The following ATP2A1 variants were observed in gnomAD, a reference collection of about 807,000 sequenced individuals.
ATP2A1 encodes sarcoplasmic/endoplasmic reticulum calcium ATPase 1.
ATP2A1 carries 83 observed loss-of-function variants against 109.5 expected under a neutral mutation model. The observed-to-expected ratio is 0.76, with a 90% CI of 0.63 to 0.91. The LOEUF (loss-of-function observed/expected upper bound fraction) is 0.91, where lower values mean the gene tolerates loss of function less well. ATP2A1 is among the 40% of genes least tolerant of loss of function. The probability of loss-of-function intolerance (pLI) is 0.00; values close to 1 mark genes in which losing one functional copy is unlikely to be tolerated. For synonymous variants in ATP2A1, 505 were observed against 537.6 expected, an observed-to-expected ratio of 0.94 and a Z score of 0.84; for missense variants, 1,101 against 1,341.0, an observed-to-expected ratio of 0.82 and a Z score of 2.80.
Position 28,887,282 on chromosome 16 carries a change from A to C in ATP2A1, c.630+8A>C, listed in dbSNP as rs1459073624. On this transcript the variant is annotated splice_region_variant and intron_variant, in intron 7 of 22. Transcript: ENST00000395503. Reference sequence around the variant, plus strand: ...AAGAACATGCTTTTCTCGGTGAGCAATCCGGGACCAGCCATCACACACTCA... The same window carrying C: ...AAGAACATGCTTTTCTCGGTGAGCACTCCGGGACCAGCCATCACACACTCA... The C allele has an allele frequency of 1.2e-6, 2 of 1,613,856 alleles. No homozygotes were observed. Among genetic ancestry groups the C allele is most frequent in the Non-Finnish European group, 8.5e-7 (1 of 1,179,910 alleles).
intron 9 of ATP2A1, among the ~76,000 whole-genome samples, chr16:28,890,283 C>T (rs773803507): frequency 7.1e-6 from 1 of 141,022 alleles, no homozygotes; most frequent in Non-Finnish European, 1.5e-5. Flanking sequence ...AGTGAGAGTC[C>T]GTCTCTACCA....
rs1416429501 is a variant in ATP2A1, at chr16:28,880,841, G to T, written c.220-74G>T. 2.1e-6 allele frequency: 3 copies of T among 1,401,014 alleles called. No individual in the cohort carries two copies. The highest frequency in any genetic ancestry group is 3.0e-6 in the Non-Finnish European group (3 of 986,548). 86.8% of individuals were successfully genotyped at this position (1,401,014 alleles called of 1,614,324 possible). A position where few individuals can be genotyped will look rare whatever the true frequency, so the allele number is the denominator to read the frequency against. Reference sequence around the variant, plus strand: ...ACTCTCCTGCACAGTTCTCCCCTTTGCAGTGGTCCACTTCCTTTCTCCATC... The same window carrying T: ...ACTCTCCTGCACAGTTCTCCCCTTTTCAGTGGTCCACTTCCTTTCTCCATC... On this transcript the variant is annotated intron_variant, in intron 3 of 22. Transcript: ENST00000395503. This position sits in a 1 kb window ranked among gnomAD's most constrained non-coding sequence, Gnocchi z 4.2.
chr16:28,898,493 G>A lies in ATP2A1; in HGVS notation c.1764+42G>A, dbSNP rs2152211884. On this transcript the variant is annotated intron_variant, in intron 14 of 22. Transcript: ENST00000395503. This position sits in a 1 kb window ranked among gnomAD's most constrained non-coding sequence, Gnocchi z 4.0. ...CTCCCACTGTCGTGGAGCTGGTGAAGGGCCGGGTCCCAGCCATCCACTCAC... is the reference window on the plus strand; with the variant it reads ...CTCCCACTGTCGTGGAGCTGGTGAAAGGCCGGGTCCCAGCCATCCACTCAC... 6.3e-7 allele frequency: 1 copy of A among 1,586,388 alleles called. No homozygotes were observed. The highest frequency in any genetic ancestry group is 2.3e-5 in the East Asian group (1 of 43,358).
intron 9 of ATP2A1, among the ~76,000 whole-genome samples, chr16:28,891,711 C>G (rs1038271966): frequency 1.4e-4 from 21 of 151,504 alleles, no homozygotes; most frequent in African/African-American, 5.1e-4. Flanking sequence ...AAACCAGTCT[C>G]TACTAAAAAT....
intron 12 of ATP2A1, among the ~76,000 whole-genome samples, chr16:28,895,673 C>A (rs1276812112): frequency 2.0e-5 from 3 of 146,906 alleles, no homozygotes; most frequent in African/African-American, 7.7e-5. Flanking sequence ...CAAAAAAAAA[C>A]GAAAACAAAA....
intron 11 of ATP2A1, 98 bp downstream of exon 11, chr16:28,894,705 C>T (rs1963868566): frequency 1.1e-5 from 18 of 1,594,810 alleles, no homozygotes; most frequent in Non-Finnish European, 1.4e-5. Flanking sequence ...ACACCCAGCC[C>T]TCTGCCAGGG....
Position 28,902,190 on chromosome 16 carries a change from C to T in ATP2A1, c.2328C>T (p.Phe776=). Residue 776 remains phenylalanine (F), a synonymous_variant, in exon 17 of 23, where the codon TTC becomes TTT. Transcript: ENST00000395503. The surrounding 1 kb of genome is among the most constrained non-coding windows in gnomAD (Gnocchi z 4.8). ...SSNVGEVVCI[F]LTAALGLPEA... The stretch of plus-strand genomic sequence containing the variant: ...GACCACCTCCTTCCCACAGTATCTT[C>T]CTGACCGCTGCCCTGGGGCTGCCTG... The T allele has an allele frequency of 6.2e-7, 1 of 1,614,178 alleles. No homozygotes were observed. Among genetic ancestry groups the T allele is most frequent in the Non-Finnish European group, 8.5e-7 (1 of 1,180,012 alleles).
intron 8 of ATP2A1, among the ~76,000 whole-genome samples, chr16:28,887,991 CG>C (rs1336725350): frequency 6.7e-6 from 1 of 149,972 alleles, no homozygotes; most frequent in African/African-American, 2.5e-5. Flanking sequence ...TTAGTAGATA[CG>C]GGGTTTCACC....
At chr16:28,896,430 T>C (rs79777824) in intron 12 of ATP2A1, among the ~76,000 whole-genome samples, 1 of 151,590 alleles carries the variant, frequency 6.6e-6, no homozygotes, top group South Asian at 2.1e-4. Context: ...TTTTTTTTTT[T>C]GAGACGGAGT....
intron 12 of ATP2A1, among the ~76,000 whole-genome samples, chr16:28,896,292 T>A (rs1596679900): frequency 6.6e-6 from 1 of 152,170 alleles, no homozygotes; most frequent in South Asian, 2.1e-4. Flanking sequence ...AGTGGCATGA[T>A]CTCAGCTCAC....
Position 28,902,312 on chromosome 16 carries a change from T to C in ATP2A1, c.2450T>C (p.Met817Thr). The change falls in exon 17 of 23, where the codon ATG (methionine) becomes ACG (threonine). Residue 817 changes from methionine (M) to threonine (T), a missense_variant. Transcript: ENST00000395503. This position sits in a 1 kb window ranked among gnomAD's most constrained non-coding sequence, Gnocchi z 4.8. ...LGFNPPDLDI[M>T]DRPPRSPKEP... ...TTCAACCCACCAGACCTGGACATCA[T>C]GGACCGCCCCCCCCGGAGCCCCAAG... is the stretch of plus-strand genomic sequence containing the variant. 6.2e-7 allele frequency: 1 copy of C among 1,614,058 alleles called. No individual in the cohort carries two copies. Among genetic ancestry groups the C allele is most frequent in the African/African-American group, 1.3e-5 (1 of 75,016 alleles).
Position 28,903,302 on chromosome 16 carries a change from G to A in ATP2A1, c.2863-21G>A, listed in dbSNP as rs1964143544. 1 of 1,605,944 alleles carries A rather than the reference G, an allele frequency of 6.2e-7. No individual in the cohort carries two copies. The highest frequency in any genetic ancestry group is 1.7e-5 in the Admixed American group (1 of 59,992). ...CTCCCTCCCCACCCCCTCCTGAGAG[G>A]GCGCTTGTCCCCTGCCCCAGATGAT... On this transcript the variant is annotated intron_variant, in intron 20 of 22. Coordinates refer to ENST00000395503, the MANE Select transcript of ATP2A1 (RefSeq NM_004320.6). This position sits in a 1 kb window ranked among gnomAD's most constrained non-coding sequence, Gnocchi z 5.6.
In ATP2A1 at chr16:28,883,383, G is replaced by A. The variant is rs1434575135; in HGVS notation, c.463+794G>A. On this transcript the variant is annotated intron_variant, in intron 5 of 22. Transcript: ENST00000395503. This position sits in a 1 kb window ranked among gnomAD's most constrained non-coding sequence, Gnocchi z 5.2. The stretch of plus-strand genomic sequence containing the variant: ...CCCATCACAGGGCAGCCTTGCCGCC[G>A]TGACAGCATGGAGTCAGCGCCATGA... 3.3e-5 allele frequency among the ~76,000 whole-genome samples: 5 copies of A among 152,190 alleles called. No individual in the cohort carries two copies. The highest frequency in any genetic ancestry group is 5.9e-5 in the Non-Finnish European group (4 of 68,022).
At position 28,887,260 on chromosome 16, in the gene ATP2A1, A is replaced by G; in HGVS notation, c.616A>G (p.Asn206Asp). The change falls in exon 7 of 23, where the codon AAC becomes GAC. Residue 206 changes from asparagine (N) to aspartate (D), a missense_variant. Physicochemically the swap from Asn to Asp is conservative, Grantham distance 23. Transcript: ENST00000395503. ...CCGAGCTGTCAACCAGGACAAGAAG[A>G]ACATGCTTTTCTCGGTGAGCAATCC... Reference protein sequence around the residue: ...DPRAVNQDKKNMLFSGTNIAA... With the variant: ...DPRAVNQDKKDMLFSGTNIAA... The G allele has an allele frequency of 5.6e-6, 9 of 1,614,018 alleles. No homozygotes were observed. The highest frequency in any genetic ancestry group is 7.6e-6 in the Non-Finnish European group (9 of 1,180,010).
At chr16:28,879,477 C>T (rs768506490) in intron 2 of ATP2A1, 24 bp from the exon 3 acceptor site, 3 of 1,608,692 alleles carry the variant, frequency 1.9e-6, no homozygotes, top group Non-Finnish European at 2.6e-6. Flanking sequence ...TAACCCGGGG[C>T]CCTCCCCTTG....
chr16:28,900,911 G>T lies in ATP2A1; in HGVS notation c.2095G>T (p.Ala699Ser). The T allele has an allele frequency of 6.2e-7, 1 of 1,614,162 alleles. No homozygotes were observed. The highest frequency in any genetic ancestry group is 1.3e-5 in the African/African-American group (1 of 75,054). ...EYLQSYDEIT[A>S]MTGDGVNDAP... ...CCTGCAGTCCTACGATGAGATCACA[G>T]CCATGGTGAGAGGGCCCAGGCAGCT... Residue 699 changes from alanine (A) to serine (S), a missense_variant, in exon 15 of 23, where the codon GCC becomes TCC. Ala to Ser is a moderately conservative substitution (Grantham distance 99). Coordinates refer to ENST00000395503, the MANE Select transcript of ATP2A1 (RefSeq NM_004320.6).
At position 28,900,581 on chromosome 16, in the gene ATP2A1, A is replaced by G. The variant is rs765461166; in HGVS notation, c.1765A>G (p.Thr589Ala). ...DDSARFLEYE[T>A]DLTFVGVVGM... ...GTGGCTCTCTGCTGTATCTCCCCAG[A>G]CGGACCTGACATTCGTGGGTGTAGT... is the stretch of plus-strand genomic sequence containing the variant. Residue 589 changes from threonine (T) to alanine (A), a missense_variant and splice_region_variant, in exon 15 of 23, where the codon ACG becomes GCG. Physicochemically the swap from Thr to Ala is moderately conservative, Grantham distance 58 (BLOSUM62 0). Coordinates refer to ENST00000395503, the MANE Select transcript of ATP2A1 (RefSeq NM_004320.6). 2 of 1,560,308 alleles carry G rather than the reference A, an allele frequency of 1.3e-6. No individual in the cohort carries two copies. Among genetic ancestry groups the G allele is most frequent in the African/African-American group, 2.7e-5 (2 of 74,066 alleles).
intron 9 of ATP2A1, 100 bp downstream of exon 9, chr16:28,889,053 C>G: frequency 6.6e-7 from 1 of 1,516,502 alleles, no homozygotes; most frequent in Non-Finnish European, 9.1e-7. Flanking sequence ...CTGCTGGCTT[C>G]TCATCTGGGC....
In ATP2A1 at chr16:28,902,264, G is replaced by T. The variant is rs1230492683; in HGVS notation, c.2402G>T (p.Gly801Val). The change falls in exon 17 of 23, where the codon GGG becomes GTG. Residue 801 changes from glycine to valine, a missense_variant. Coordinates refer to ENST00000395503, the MANE Select transcript of ATP2A1 (RefSeq NM_004320.6). This position sits in a 1 kb window ranked among gnomAD's most constrained non-coding sequence, Gnocchi z 4.8. ...QLLWVNLVTD[G>V]LPATALGFNP... ...CTATGGGTGAACTTGGTGACCGACG[G>T]GCTCCCAGCCACAGCCCTGGGCTTC... 6.2e-7 allele frequency: 1 copy of T among 1,614,100 alleles called. No individual in the cohort carries two copies.
Sources: gnomAD v4.1 joint callset for allele counts (sites outside exome capture counted in the v4.1 genomes callset) on GRCh38, gnomAD v4.1.1 for gene constraint, Gnocchi (gnomAD v3.1) non-coding constraint, MANE v1.5 for transcripts, NCBI Gene and HGNC (gene_info 2026-07-23, HGNC 2026-07-21) for gene names.